Variants in NAPB observed in about 807,000 individuals in gnomAD.
NAPB encodes the protein NSF attachment protein beta.
Under a neutral mutation model 44.7 loss-of-function variants are expected in NAPB, and 26 were observed. The observed-to-expected ratio is 0.58, with a 90% CI of 0.43 to 0.81. NAPB has a LOEUF of 0.81. NAPB is among the 30% of genes least tolerant of loss of function. The pLI is 0.00. For synonymous variants in NAPB, 120 were observed against 116.8 expected (o/e 1.03, Z -0.18); for missense variants, 315 against 356.4 (o/e 0.88, Z 0.94).
rs191612709 is a variant in NAPB at position 23,417,021 on chromosome 20, C to T, written c.98+4284G>A. Reference sequence around the variant, plus strand: ...TTTGTAGCTCTTGTGTAAACTCAGACTAAACACTGAAAGGCAAAGGAAGAC... The same window carrying T: ...TTTGTAGCTCTTGTGTAAACTCAGATTAAACACTGAAAGGCAAAGGAAGAC... On this transcript the variant is annotated intron_variant, in intron 1 of 10. Transcript: ENST00000377026. Among the ~76,000 whole-genome samples, 719 of 151,888 alleles carry T rather than the reference C, an allele frequency of 4.7e-3. 4 individuals are homozygous for T. Among genetic ancestry groups the T allele is most frequent in the African/African-American group, 0.016 (671 of 41,416 alleles).
chr20:23,407,741 A>C (rs1284976755), intron 1 of NAPB, among the ~76,000 whole-genome samples: 2 of 152,222 alleles, frequency 1.3e-5, no homozygotes, highest in African/African-American at 2.4e-5. Context: ...GGGTCTGAGA[A>C]AAAGCCTATC....
chr20:23,421,203 G>A, intron 1 of NAPB, 102 bp downstream of exon 1: 1 of 979,206 alleles, frequency 1.0e-6, no homozygotes, highest in East Asian at 3.0e-5. Context: ...GTGGTCTGAG[G>A]GCCCCAGAGG....
At chr20:23,399,956 A>G (rs1257670130) in intron 2 of NAPB, among the ~76,000 whole-genome samples, 1 of 152,024 alleles carries the variant, frequency 6.6e-6, no homozygotes, top group Non-Finnish European at 1.5e-5. Flanking sequence ...TTTTTTTTAC[A>G]ATCTACATCC....
intron 2 of NAPB, among the ~76,000 whole-genome samples, chr20:23,399,430 G>A (rs950133170): frequency 2.6e-5 from 4 of 152,196 alleles, no homozygotes; most frequent in East Asian, 1.9e-4. Flanking sequence ...AGGCGCCATC[G>A]TGGAAGGTGA....
chr20:23,414,981 C>T (rs1235138497), intron 1 of NAPB, among the ~76,000 whole-genome samples: 1 of 151,428 alleles, frequency 6.6e-6, no homozygotes, highest in East Asian at 1.9e-4. Flanking sequence ...CTTAATTATT[C>T]AGCATTAATT....
At chr20:23,399,221 C>T (rs1237484738) in intron 2 of NAPB, among the ~76,000 whole-genome samples, 3 of 152,144 alleles carry the variant, frequency 2.0e-5, no homozygotes, top group Non-Finnish European at 4.4e-5. Context: ...ATGGGTAGTG[C>T]TATGATCTGA....
intron 1 of NAPB, among the ~76,000 whole-genome samples, chr20:23,420,599 C>G (rs892449002): frequency 2.0e-5 from 3 of 152,046 alleles, no homozygotes; most frequent in Non-Finnish European, 1.5e-5. Flanking sequence ...TCACCCGGAC[C>G]GGTCTCAGGA....
At chr20:23,402,843 A>C (rs1568615970) in intron 2 of NAPB, 150 bp downstream of exon 2, 1 of 633,060 alleles carries the variant, frequency 1.6e-6, no homozygotes, top group East Asian at 2.8e-5. Flanking sequence ...TTTAGTCTCC[A>C]TATGTCAGTA....
chr20:23,395,256 T>A lies in NAPB; in HGVS notation c.296-71A>T. 4 of 1,532,808 alleles carry A rather than the reference T, an allele frequency of 2.6e-6. No homozygotes were observed. In the South Asian group the frequency reaches 4.6e-5, roughly 17 times the overall value. 95.0% of individuals were successfully genotyped at this position (1,532,808 alleles called of 1,614,324 possible). A position where few individuals can be genotyped will look rare whatever the true frequency, so the allele number is the denominator to read the frequency against. On this transcript the variant is annotated intron_variant, in intron 3 of 10. Transcript: ENST00000377026. ...CAAAGAGGGTTCAGGTGAGGCTGTC[T>A]TCCTGGCTGTTATCAGAACGTTAAT...
chr20:23,394,987 T>G lies in NAPB; in HGVS notation c.355A>C (p.Ile119Leu). ...DIYTDMGRFT[I>L]AAKHHITIAE... is the part of the protein sequence containing the mutation. ...ATAGTAATGTGGTGCTTGGCTGCAATTGTAAACCTTCCCTAGGGGAAAAAA... is the reference window on the plus strand; with the variant it reads ...ATAGTAATGTGGTGCTTGGCTGCAAGTGTAAACCTTCCCTAGGGGAAAAAA... Residue 119 changes from isoleucine to leucine, a missense_variant, in exon 5 of 11, where the codon ATT (isoleucine) becomes CTT (leucine). Coordinates refer to ENST00000377026, the MANE Select transcript of NAPB (RefSeq NM_022080.3). 6.2e-7 allele frequency: 1 copy of G among 1,614,176 alleles called. No homozygotes were observed. Among genetic ancestry groups the G allele is most frequent in the Middle Eastern group, 1.6e-4 (1 of 6,062 alleles).
chr20:23,378,362 C>T (rs1289200615), intron 10 of NAPB, among the ~76,000 whole-genome samples: 1 of 150,558 alleles, frequency 6.6e-6, no homozygotes, highest in Non-Finnish European at 1.5e-5. Context: ...TGATTCTAAA[C>T]ATGAGATGGC....
intron 3 of NAPB, among the ~76,000 whole-genome samples, chr20:23,395,945 G>A (rs1343180209): frequency 1.3e-5 from 2 of 152,062 alleles, no homozygotes; most frequent in African/African-American, 2.4e-5. Flanking sequence ...GTAAGCAGAT[G>A]AACAAAAATT....
At chr20:23,402,747 G>C (rs1866249188) in intron 2 of NAPB, among the ~76,000 whole-genome samples, 1 of 152,182 alleles carries the variant, frequency 6.6e-6, no homozygotes, top group African/African-American at 2.4e-5. Flanking sequence ...ACTGTATTAA[G>C]AAGTTTATAG....
chr20:23,375,179 T>C lies in NAPB; in HGVS notation c.*2197A>G, dbSNP rs1239013592. The C allele has an allele frequency of 6.6e-6, 1 of 152,162 alleles. No homozygotes were observed. Among genetic ancestry groups the C allele is most frequent in the African/African-American group, 2.4e-5 (1 of 41,436 alleles). 9.4% of individuals were successfully genotyped at this position (152,162 alleles called of 1,614,324 possible). On this transcript the variant is annotated 3_prime_UTR_variant, in exon 11 of 11. Coordinates refer to ENST00000377026, the MANE Select transcript of NAPB (RefSeq NM_022080.3). ...ACTTTGATTCTTTTCATGTGAAATA[T>C]TAAAAACAAAAATTAATTCTTAACC... is the stretch of plus-strand genomic sequence containing the variant.
intron 1 of NAPB, among the ~76,000 whole-genome samples, chr20:23,420,599 C>T (rs892449002): frequency 6.6e-6 from 1 of 152,046 alleles, no homozygotes; most frequent in South Asian, 2.1e-4. Context: ...TCACCCGGAC[C>T]GGTCTCAGGA....
Position 23,397,084 on chromosome 20 carries a change from C to A in NAPB, c.283G>T (p.Ala95Ser). 1 of 1,613,098 alleles carries A rather than the reference C, an allele frequency of 6.2e-7. No individual in the cohort carries two copies. Among genetic ancestry groups the A allele is most frequent in the East Asian group, 2.2e-5 (1 of 44,844 alleles). Residue 95 changes from alanine to serine, a missense_variant, in exon 3 of 11, where the codon GCA becomes TCA. Transcript: ENST00000377026. ...FVDAGNAYKK[A>S]DPQEAINCLN... ...CTGGCTGTCTTACCTTGGGGATCTG[C>A]CTTTTTGTAAGCATTTCCAGCATCC...
chr20:23,385,591 A>C (rs1983436610), intron 7 of NAPB, among the ~76,000 whole-genome samples: 1 of 152,128 alleles, frequency 6.6e-6, no homozygotes, highest in Non-Finnish European at 1.5e-5. Flanking sequence ...ACACACCTGT[A>C]ATCCCAGCTA....
At chr20:23,395,322 A>C (rs1393744492) in intron 3 of NAPB, 137 bp from the exon 4 acceptor site, 38 of 777,184 alleles carry the variant, frequency 4.9e-5, no homozygotes, top group Non-Finnish European at 7.3e-5. Flanking sequence ...GGTTAATGAG[A>C]AGCAAACAAA....
intron 5 of NAPB, among the ~76,000 whole-genome samples, chr20:23,392,197 T>G (rs1284442896): frequency 6.6e-6 from 1 of 152,210 alleles, no homozygotes; most frequent in Non-Finnish European, 1.5e-5. Flanking sequence ...AGGGAGGAGA[T>G]GTACCTTCAT....
Sources: allele counts gnomAD v4.1 joint callset (sites outside exome capture counted in the v4.1 genomes callset), GRCh38; gene constraint gnomAD v4.1.1; transcripts MANE v1.5; gene names NCBI Gene and HGNC (gene_info 2026-07-23, HGNC 2026-07-21).